The following TTI1 variants were observed in gnomAD, a reference collection of about 807,000 sequenced individuals.
TTI1 encodes TELO2 interacting protein 1, also known as TELO2-interacting protein 1 homolog.
Under a neutral mutation model 85.4 loss-of-function variants are expected in TTI1, and 52 were observed. That is an observed-to-expected ratio of 0.61 (90% CI 0.49 to 0.77). TTI1 has a LOEUF of 0.77. Among genes scored for constraint, TTI1 ranks in the 30% least tolerant of loss-of-function variants. The probability of loss-of-function intolerance (pLI) is 0.00; values close to 1 mark genes in which losing one functional copy is unlikely to be tolerated. For missense variants in TTI1, 1,173 were observed against 1,296.0 expected, an observed-to-expected ratio of 0.91 and a Z score of 1.46; for synonymous variants, 512 against 503.9, an observed-to-expected ratio of 1.02 and a Z score of -0.22.
At chr20:37,990,797 T>C in intron 7 of TTI1, among the ~76,000 whole-genome samples, 1 of 152,180 alleles carries the variant, frequency 6.6e-6, no homozygotes, top group South Asian at 2.1e-4. Flanking sequence ...GAGAACATTC[T>C]GCTCCCAACC....
chr20:38,029,130 A>G (rs2073872707), intron 1 of TTI1, among the ~76,000 whole-genome samples: 1 of 152,224 alleles, frequency 6.6e-6, no homozygotes, highest in Non-Finnish European at 1.5e-5. Context: ...AATGAAATCA[A>G]GCTTGAAATC....
At chr20:38,032,830 A>C (rs6022505) in intron 1 of TTI1, among the ~76,000 whole-genome samples, 41,541 of 152,032 alleles carry the variant, frequency 0.27, 7,805 homozygotes, top group African/African-American at 0.54. Context: ...CAAGCAAGAG[A>C]CGTTGCGCCA....
In TTI1 at chr20:38,013,757, C is replaced by A; in HGVS notation, c.60G>T (p.Gln20His). ...AFGVLRPVCV[Q>H]LTKTQTVENV... ...TCTCCACTGTCTGGGTCTTTGTGAGCTGAACACAGACTGGACGTAAGACAC... is the reference window on the plus strand; with the variant it reads ...TCTCCACTGTCTGGGTCTTTGTGAGATGAACACAGACTGGACGTAAGACAC... The change falls in exon 2 of 8, where the codon CAG (glutamine) becomes CAT (histidine). Residue 20 changes from glutamine (Q) to histidine (H), a missense_variant. Gln to His is a conservative substitution (Grantham distance 24, BLOSUM62 0). Transcript: ENST00000373447. 6.2e-7 allele frequency: 1 copy of A among 1,614,102 alleles called. No individual in the cohort carries two copies. The highest frequency in any genetic ancestry group is 8.5e-7 in the Non-Finnish European group (1 of 1,180,028).
At chr20:37,995,099 G>A (rs78802873) in intron 7 of TTI1, among the ~76,000 whole-genome samples, 4,404 of 152,230 alleles carry the variant, frequency 0.029, 92 homozygotes, top group Middle Eastern at 0.051. Context: ...CAGGGGCACC[G>A]CCCAGGGAGG....
rs1203608878 is a variant in TTI1 at position 38,012,151 on chromosome 20, T to C, written c.1666A>G (p.Ile556Val). Residue 556 changes from isoleucine (I) to valine (V), a missense_variant, in exon 2 of 8, where the codon ATT (isoleucine) becomes GTT (valine). Transcript: ENST00000373447. Reference sequence around the variant, plus strand: ...TATTCTTCAAGTATAGATGTCACAATCTCTCTCAGTTCTTCTGGGTTTGTT... The same window carrying C: ...TATTCTTCAAGTATAGATGTCACAACCTCTCTCAGTTCTTCTGGGTTTGTT... ...IKTNPEELREIVTSILEEYTS... is the reference protein window; with the variant it reads ...IKTNPEELREVVTSILEEYTS... 1 of 1,614,174 alleles carries C rather than the reference T, an allele frequency of 6.2e-7. No homozygotes were observed. Among genetic ancestry groups the C allele is most frequent in the South Asian group, 1.1e-5 (1 of 91,076 alleles).
chr20:37,986,471 T>C (rs527574266), intron 7 of TTI1, among the ~76,000 whole-genome samples: 2 of 152,376 alleles, frequency 1.3e-5, no homozygotes, highest in East Asian at 3.9e-4. Context: ...TCACCTTCTT[T>C]TATTAAGCAA....
chr20:38,004,391 G>A (rs1467000777), intron 3 of TTI1, among the ~76,000 whole-genome samples: 1 of 152,148 alleles, frequency 6.6e-6, no homozygotes, highest in Non-Finnish European at 1.5e-5. Context: ...TCCCTCTGCT[G>A]GAAAGACAGA....
chr20:38,008,500 T>G (rs2073534658), intron 2 of TTI1, among the ~76,000 whole-genome samples: 1 of 152,222 alleles, frequency 6.6e-6, no homozygotes, highest in Non-Finnish European at 1.5e-5. Context: ...ATACTTATTT[T>G]CAAAGCTACC....
At chr20:38,027,069 A>T (rs1489476910) in intron 1 of TTI1, among the ~76,000 whole-genome samples, 1 of 152,240 alleles carries the variant, frequency 6.6e-6, no homozygotes, top group African/African-American at 2.4e-5. Flanking sequence ...ACATTCAAGT[A>T]ACCCACAGGA....
At chr20:37,983,716 C>CTGTT in intron 7 of TTI1, 77 bp from the exon 8 acceptor site, 2 of 1,297,748 alleles carry the variant, frequency 1.5e-6, no homozygotes, top group African/African-American at 3.1e-5. Context: ...AACCAGGAGG[C>CTGTT]TGTTTACCAG....
intron 2 of TTI1, among the ~76,000 whole-genome samples, chr20:38,009,472 C>G (rs931435529): frequency 2.0e-5 from 3 of 152,110 alleles, no homozygotes; most frequent in Admixed American, 2.0e-4. Context: ...ACCCATGCCC[C>G]TTCTTCCTTC....
intron 1 of TTI1, among the ~76,000 whole-genome samples, chr20:38,026,665 A>G (rs930291595): frequency 6.6e-6 from 1 of 152,232 alleles, no homozygotes; most frequent in Non-Finnish European, 1.5e-5. Flanking sequence ...CTTACTGTAA[A>G]AGAATGGCTA....
chr20:38,021,953 T>C (rs945412308), intron 1 of TTI1, among the ~76,000 whole-genome samples: 1 of 152,084 alleles, frequency 6.6e-6, no homozygotes, highest in Non-Finnish European at 1.5e-5. Flanking sequence ...GGGGAAAAAG[T>C]GCAAAAGGAA....
chr20:38,006,301 T>C lies in TTI1; in HGVS notation c.2399A>G (p.Glu800Gly). ...SHLNQRPAALEKSTTTAEDIE... is the reference protein window; with the variant it reads ...SHLNQRPAALGKSTTTAEDIE... ...GTCTTCAGCTGTGGTGGTGCTCTTC[T>C]CAAGAGCTGCTGGTCTTTGGTTCAA... is the stretch of plus-strand genomic sequence containing the variant. Residue 800 changes from glutamate to glycine, a missense_variant, in exon 3 of 8, where the codon GAG becomes GGG. Transcript: ENST00000373447. 1 of 1,614,238 alleles carries C rather than the reference T, an allele frequency of 6.2e-7. No homozygotes were observed. The highest frequency in any genetic ancestry group is 2.2e-5 in the East Asian group (1 of 44,890).
At chr20:38,030,515 C>T (rs536630020) in intron 1 of TTI1, among the ~76,000 whole-genome samples, 1 of 136,194 alleles carries the variant, frequency 7.3e-6, no homozygotes, top group Admixed American at 7.2e-5. Flanking sequence ...TTAGGAAATT[C>T]AGCAGTATGT....
At chr20:38,028,988 T>G (rs1257074524) in intron 1 of TTI1, among the ~76,000 whole-genome samples, 1 of 152,216 alleles carries the variant, frequency 6.6e-6, no homozygotes, top group African/African-American at 2.4e-5. Flanking sequence ...ATTACAGGCA[T>G]GAGCTACAGT....
intron 7 of TTI1, among the ~76,000 whole-genome samples, chr20:37,993,674 G>C (rs533149710): frequency 6.6e-6 from 1 of 152,200 alleles, no homozygotes; most frequent in Non-Finnish European, 1.5e-5. Flanking sequence ...CCTGCCCTGA[G>C]AGCTTCCCTC....
rs770037827 is a variant in TTI1, at chr20:38,013,207, C to T, written c.610G>A (p.Asp204Asn). Residue 204 changes from aspartate (D) to asparagine (N), a missense_variant, in exon 2 of 8, where the codon GAT becomes AAT. Asp to Asn is a conservative substitution (Grantham distance 23). Coordinates refer to ENST00000373447, the MANE Select transcript of TTI1 (RefSeq NM_001303457.2). ...CCAGGTAAAAAAGAGGCAAACAAAT[C>T]CCCCAGCTGCTTTTGTTCAAGTTCA... ...LDELEQKQLG[D>N]LFASFLPGIS... is the part of the protein sequence containing the mutation. 8 of 1,613,972 alleles carry T rather than the reference C, an allele frequency of 5.0e-6. No individual in the cohort carries two copies. The highest frequency in any genetic ancestry group is 6.8e-6 in the Non-Finnish European group (8 of 1,180,044).
intron 2 of TTI1, among the ~76,000 whole-genome samples, chr20:38,010,924 C>T (rs992185090): frequency 6.6e-6 from 1 of 152,212 alleles, no homozygotes; most frequent in Admixed American, 6.5e-5. Flanking sequence ...TCACTAGCTA[C>T]ATGTGGCTAT....
Sources: gnomAD v4.1 joint callset for allele counts (sites outside exome capture counted in the v4.1 genomes callset) on GRCh38, gnomAD v4.1.1 for gene constraint, MANE v1.5 for transcripts, NCBI Gene and HGNC (gene_info 2026-07-23, HGNC 2026-07-21) for gene names.